The following FADS2 variants were observed in gnomAD, a reference collection of about 807,000 sequenced individuals.
The protein encoded by FADS2 is acyl-CoA 6-desaturase.
In FADS2, 18 loss-of-function variants were observed where a neutral mutation model predicts 61.2. The ratio of observed to expected loss-of-function variants is 0.29; its 90% confidence interval spans 0.20 to 0.44. The LOEUF (loss-of-function observed/expected upper bound fraction) is 0.44, where lower values mean the gene tolerates loss of function less well. Among genes scored for constraint, FADS2 ranks in the 20% least tolerant of loss-of-function variants. The pLI, the probability that FADS2 is intolerant of heterozygous loss-of-function variation, is 1.00. For missense variants in FADS2, 322 were observed against 572.7 expected, an observed-to-expected ratio of 0.56 and a Z score of 4.47; for synonymous variants, 203 against 223.9, an observed-to-expected ratio of 0.91 and a Z score of 0.83.
intron 1 of FADS2, among the ~76,000 whole-genome samples, chr11:61,837,136 A>G (rs2067180695): frequency 6.6e-6 from 1 of 152,266 alleles, no homozygotes. Context: ...AATGTGTATC[A>G]TTATAGCAGT....
At chr11:61,839,874 T>C (rs1027930361) in intron 2 of FADS2, among the ~76,000 whole-genome samples, 1 of 152,252 alleles carries the variant, frequency 6.6e-6, no homozygotes, top group African/African-American at 2.4e-5. Context: ...CTTTGGTGAC[T>C]GGCCTGTTTC....
chr11:61,819,718 T>A (rs942381006), intron 1 of FADS2, among the ~76,000 whole-genome samples: 1 of 152,146 alleles, frequency 6.6e-6, no homozygotes, highest in Non-Finnish European at 1.5e-5. Context: ...TTTATGTAAA[T>A]CTTTTATTTT....
At position 61,863,801 on chromosome 11, in the gene FADS2, G is replaced by A; in HGVS notation, c.1157+15G>A. 3 of 1,603,926 alleles carry A rather than the reference G, an allele frequency of 1.9e-6. No homozygotes were observed. The highest frequency in any genetic ancestry group is 2.6e-6 in the Non-Finnish European group (3 of 1,170,858). ...ATTGAGCACCAGTGAGCGCGGGGCT[G>A]CGGGGAGGCGGGGAGACCCACAGCG... On this transcript the variant is annotated intron_variant, in intron 10 of 11. Transcript: ENST00000278840.
In FADS2 at chr11:61,848,139, C is replaced by T. The variant is rs771065351; in HGVS notation, c.619-20C>T. 2.5e-6 allele frequency: 4 copies of T among 1,614,010 alleles called. No individual in the cohort carries two copies. Among genetic ancestry groups the T allele is most frequent in the Non-Finnish European group, 3.4e-6 (4 of 1,179,922 alleles). On this transcript the variant is annotated intron_variant, in intron 4 of 11. Transcript: ENST00000278840. Reference sequence around the variant, plus strand: ...CCCTGGTGGCTTGCATGGCTCATCCCCACCCCTCTCTCCCCACAGGGTGCC... The same window carrying T: ...CCCTGGTGGCTTGCATGGCTCATCCTCACCCCTCTCTCCCCACAGGGTGCC...
chr11:61,858,459 A>G (rs927578230), intron 7 of FADS2, among the ~76,000 whole-genome samples: 5 of 152,058 alleles, frequency 3.3e-5, no homozygotes, highest in African/African-American at 4.8e-5. Flanking sequence ...GATTACAGGC[A>G]TGAGCCACCA....
At chr11:61,841,294 C>T (rs900745969) in intron 4 of FADS2, among the ~76,000 whole-genome samples, 8 of 152,222 alleles carry the variant, frequency 5.3e-5, no homozygotes, top group Admixed American at 4.6e-4. Flanking sequence ...TTGTGATCTA[C>T]CTGCCTTGGC....
Position 61,857,517 on chromosome 11 carries a change from A to G in FADS2, c.869A>G (p.His290Arg), listed in dbSNP as rs369778947. Residue 290 changes from histidine (H) to arginine (R), a missense_variant, in exon 7 of 12, where the codon CAT becomes CGT. Physicochemically the swap from His to Arg is conservative, Grantham distance 29. Around this residue, in one of 3 missense-constraint regions of FADS2, gnomAD observed 221 missense variants for 427.9 expected, o/e 0.52. Transcript: ENST00000278840. ...QYQIIMTMIV[H>R]KNWVDLAWAV... ...CAGATCATCATGACCATGATCGTCC[A>G]TAAGAACTGGGTGGTGAGTTGGGGA... The G allele has an allele frequency of 1.6e-5, 26 of 1,613,764 alleles. No individual in the cohort carries two copies. Among genetic ancestry groups the G allele is most frequent in the Non-Finnish European group, 2.0e-5 (24 of 1,179,844 alleles).
chr11:61,865,279 T>TGAG lies in FADS2; in HGVS notation c.1283+4_1283+6dup, dbSNP rs1412482378. 2 of 1,612,608 alleles carry TGAG rather than the reference T, an allele frequency of 1.2e-6. No homozygotes were observed. The highest frequency in any genetic ancestry group is 2.7e-5 in the African/African-American group (2 of 74,866). ...GAGGGCCCTGCTGGACATCATCAGGTGAGGGGTGGAGGTCCACAGGCGCTG... is the reference window on the plus strand; with the variant it reads ...GAGGGCCCTGCTGGACATCATCAGGTGAGGAGGGGTGGAGGTCCACAGGCGCTG... On this transcript the variant is annotated splice_region_variant and intron_variant, in intron 11 of 11. Coordinates refer to ENST00000278840, the MANE Select transcript of FADS2 (RefSeq NM_004265.4). This position sits in a 1 kb window ranked among gnomAD's most constrained non-coding sequence, Gnocchi z 4.1.
intron 4 of FADS2, among the ~76,000 whole-genome samples, chr11:61,846,036 C>G (rs17156434): frequency 0.027 from 4,079 of 152,144 alleles, 181 homozygotes; most frequent in African/African-American, 0.092. Context: ...AGAGATTTTT[C>G]CATTTGATTC....
At chr11:61,850,501 G>A (rs928101779) in intron 5 of FADS2, among the ~76,000 whole-genome samples, 3 of 151,906 alleles carry the variant, frequency 2.0e-5, no homozygotes, top group Non-Finnish European at 4.4e-5. Context: ...CGCCCACCTC[G>A]CCCTCCCAAA....
At chr11:61,831,087 C>CTTTGT (rs941234385) in intron 1 of FADS2, among the ~76,000 whole-genome samples, 2 of 151,834 alleles carry the variant, frequency 1.3e-5, no homozygotes, top group African/African-American at 2.4e-5. Flanking sequence ...GCTGGGTTCT[C>CTTTGT]TTTGTTTTGT....
chr11:61,848,856 T>C (rs565326184), intron 5 of FADS2: 19 of 153,560 alleles, frequency 1.2e-4, no homozygotes, highest in African/African-American at 4.3e-4. Flanking sequence ...GGATAAGAAA[T>C]TGAAGGTCAG....
intron 5 of FADS2, among the ~76,000 whole-genome samples, chr11:61,850,589 C>CA (rs1331172194): frequency 6.6e-5 from 10 of 151,544 alleles, no homozygotes; most frequent in South Asian, 2.1e-4. Context: ...ATGCGTTCCA[C>CA]AAAAAAATGT....
chr11:61,844,497 C>T (rs1171966825), intron 4 of FADS2, among the ~76,000 whole-genome samples: 1 of 151,676 alleles, frequency 6.6e-6, no homozygotes, highest in Non-Finnish European at 1.5e-5. Flanking sequence ...TGCAGTGAGC[C>T]GAGATCGTGC....
At chr11:61,817,970 G>A (rs1261181937) in intron 1 of FADS2, among the ~76,000 whole-genome samples, 1 of 152,144 alleles carries the variant, frequency 6.6e-6, no homozygotes, top group African/African-American at 2.4e-5. Context: ...CCCGGGGGAG[G>A]TTATTTTGTC....
At chr11:61,835,397 C>CT (rs529744700) in intron 1 of FADS2, among the ~76,000 whole-genome samples, 11,352 of 139,340 alleles carry the variant, frequency 0.081, 793 homozygotes, top group East Asian at 0.29. Flanking sequence ...TCCCCCGACC[C>CT]TTTTTTTTTT....
intron 5 of FADS2, chr11:61,856,392 GCCT>G (rs2067359730): frequency 6.6e-6 from 1 of 152,332 alleles, no homozygotes; most frequent in South Asian, 2.1e-4. Flanking sequence ...CTGTGCTGTG[GCCT>G]CCTCTGTCCT....
At chr11:61,839,723 C>A (rs1158967332) in intron 2 of FADS2, among the ~76,000 whole-genome samples, 2 of 152,214 alleles carry the variant, frequency 1.3e-5, no homozygotes, top group Non-Finnish European at 2.9e-5. Context: ...CTCATCTTCC[C>A]CAAATTGAAA....
rs61098245 is a variant in FADS2 at position 61,856,978 on chromosome 11, A to C, written c.745-33A>C. The C allele has an allele frequency of 1.8e-3, 2,928 of 1,587,246 alleles. 57 individuals carry two copies. The African/African-American group carries it at 0.035, about 19-fold the overall frequency. On this transcript the variant is annotated intron_variant, in intron 5 of 11. Transcript: ENST00000278840. ...ACATGGGAGGCTGGGAGCTGAGGCT[A>C]CTGGGTGCTCATGATCTCTCCTCTC...
Sources: gnomAD v4.1 joint callset for allele counts (sites outside exome capture counted in the v4.1 genomes callset) on GRCh38, gnomAD v4.1.1 for gene constraint, gnomAD v4.1.1 regional missense constraint, Gnocchi (gnomAD v3.1) non-coding constraint, MANE v1.5 for transcripts, NCBI Gene and HGNC (gene_info 2026-07-23, HGNC 2026-07-21) for gene names.